Variants in CSRP1 observed in about 807,000 individuals in gnomAD.
The protein encoded by CSRP1 is cysteine and glycine rich protein 1.
CSRP1 carries 16 observed loss-of-function variants against 25.4 expected under a neutral mutation model. The observed-to-expected ratio is 0.63, with a 90% CI of 0.43 to 0.96. The LOEUF (loss-of-function observed/expected upper bound fraction) is 0.96, where lower values mean the gene tolerates loss of function less well. CSRP1 is among the 40% of genes least tolerant of loss of function. CSRP1 has a pLI of 0.00. For synonymous variants in CSRP1, 97 were observed against 95.3 expected (o/e 1.02, Z -0.10); for missense variants, 212 against 243.6 (o/e 0.87, Z 0.86).
chr1:201,485,185 A>T (rs1023553158), intron 5 of CSRP1, 98 bp downstream of exon 5: 27 of 1,025,874 alleles, frequency 2.6e-5, no homozygotes, highest in Non-Finnish European at 4.0e-5. Context: ...CTTGGATCCC[A>T]AGGCCAGGAA....
intron 1 of CSRP1, among the ~76,000 whole-genome samples, chr1:201,501,992 AAAATAAATAAATAAATAAAT>A (rs10676830): frequency 2.1e-5 from 3 of 144,436 alleles, no homozygotes; most frequent in Non-Finnish European, 1.5e-5. Context: ...ACTCAGTCTC[AAAATAAATAAATAAATAAAT>A]AAATAAATAA....
At chr1:201,491,569 T>C (rs1478245888) in intron 2 of CSRP1, 1 of 152,230 alleles carries the variant, frequency 6.6e-6, no homozygotes, top group East Asian at 1.9e-4. Flanking sequence ...CTTATTAGTA[T>C]TATATAAAGT....
chr1:201,505,624 CT>C (rs1664804493), intron 1 of CSRP1, among the ~76,000 whole-genome samples: 1 of 152,256 alleles, frequency 6.6e-6, no homozygotes, highest in Non-Finnish European at 1.5e-5. Flanking sequence ...CCTCGTCTGA[CT>C]GCCTCCGCCC....
chr1:201,484,381 T>C lies in CSRP1; in HGVS notation c.*332A>G. 2.0e-6 allele frequency: 1 copy of C among 496,346 alleles called. No individual in the cohort carries two copies. Among genetic ancestry groups the C allele is most frequent in the Non-Finnish European group, 3.6e-6 (1 of 276,420 alleles). 30.7% of individuals were successfully genotyped at this position (496,346 alleles called of 1,614,324 possible). Reference sequence around the variant, plus strand: ...TGCCAAGATGTGTCCTCAGGTGTCTTGGTCAGCTGATGATGGACACGCAGC... The same window carrying C: ...TGCCAAGATGTGTCCTCAGGTGTCTCGGTCAGCTGATGATGGACACGCAGC... On this transcript the variant is annotated 3_prime_UTR_variant, in exon 6 of 6. Transcript: ENST00000340006.
At chr1:201,489,334 C>T (rs915820873) in intron 3 of CSRP1, 1 of 182,456 alleles carries the variant, frequency 5.5e-6, no homozygotes, top group African/African-American at 2.4e-5. Context: ...TGAATCATTC[C>T]CACTGGGGCA....
intron 1 of CSRP1, among the ~76,000 whole-genome samples, chr1:201,505,942 G>C (rs1664811628): frequency 6.6e-6 from 1 of 152,226 alleles, no homozygotes; most frequent in South Asian, 2.1e-4. Context: ...GAAGGCAAGG[G>C]ATGAGGGGAG....
chr1:201,498,609 T>G (rs923429222), intron 1 of CSRP1, among the ~76,000 whole-genome samples: 1 of 152,254 alleles, frequency 6.6e-6, no homozygotes, highest in African/African-American at 2.4e-5. Flanking sequence ...GAGCTCCCAT[T>G]TGAGGGTGAC....
chr1:201,500,423 G>A (rs1048253106), intron 1 of CSRP1, among the ~76,000 whole-genome samples: 5 of 152,386 alleles, frequency 3.3e-5, no homozygotes, highest in Admixed American at 3.3e-4. Context: ...TCAAGAACAT[G>A]GGCGGAGAAA....
At chr1:201,493,318 G>T (rs1664402631) in intron 2 of CSRP1, among the ~76,000 whole-genome samples, 1 of 152,232 alleles carries the variant, frequency 6.6e-6, no homozygotes, top group Non-Finnish European at 1.5e-5. Context: ...GCACTGATAT[G>T]GTTTGGCTGT....
At chr1:201,494,041 C>A (rs550918400) in intron 2 of CSRP1, among the ~76,000 whole-genome samples, 2 of 152,072 alleles carry the variant, frequency 1.3e-5, no homozygotes, top group Non-Finnish European at 2.9e-5. Context: ...GAGACCCTAG[C>A]GTGACCTGAG....
In CSRP1 at chr1:201,507,083, C is replaced by T. The variant is rs1326094663; in HGVS notation, c.-15G>A. ...GGGCGCACTCACCTGGCAGCTGGCTCGGCGGCGCAGGGGCGGCAGGCGCTC... is the reference window on the plus strand; with the variant it reads ...GGGCGCACTCACCTGGCAGCTGGCTTGGCGGCGCAGGGGCGGCAGGCGCTC... On this transcript the variant is annotated 5_prime_UTR_variant, in exon 1 of 6. Coordinates refer to ENST00000340006, the MANE Select transcript of CSRP1 (RefSeq NM_004078.3). The T allele has an allele frequency of 6.6e-6, 1 of 152,216 alleles. No individual in the cohort carries two copies. Among genetic ancestry groups the T allele is most frequent in the Non-Finnish European group, 1.5e-5 (1 of 68,072 alleles). 9.4% of individuals were successfully genotyped at this position (152,216 alleles called of 1,614,324 possible).
At position 201,483,891 on chromosome 1, in the gene CSRP1, G is replaced by C. The variant is rs878968366; in HGVS notation, c.*822C>G. 5 of 640,626 alleles carry C rather than the reference G, an allele frequency of 7.8e-6. No homozygotes were observed. The South Asian group carries it at 8.4e-5, about 11-fold the overall frequency. 39.7% of individuals were successfully genotyped at this position (640,626 alleles called of 1,614,324 possible). A position where few individuals can be genotyped will look rare whatever the true frequency, so the allele number is the denominator to read the frequency against. On this transcript the variant is annotated 3_prime_UTR_variant, in exon 6 of 6. Transcript: ENST00000340006. ...TGTGGCAAGAACAGAGCCCTGGCCT[G>C]GGCTCTGCTGGCCGCAGCCTCAGGA...
chr1:201,499,823 T>C (rs1206828493), intron 1 of CSRP1, among the ~76,000 whole-genome samples: 3 of 152,162 alleles, frequency 2.0e-5, no homozygotes, highest in African/African-American at 7.2e-5. Context: ...GGTTTCACCA[T>C]GTTGGCCAGG....
At chr1:201,505,842 C>T (rs535297628) in intron 1 of CSRP1, among the ~76,000 whole-genome samples, 22 of 152,288 alleles carry the variant, frequency 1.4e-4, no homozygotes, top group Non-Finnish European at 2.1e-4. Flanking sequence ...GTACCCATCC[C>T]CAAATCCCAC....
At chr1:201,501,862 G>A (rs140477485) in intron 1 of CSRP1, among the ~76,000 whole-genome samples, 436 of 152,040 alleles carry the variant, frequency 2.9e-3, no homozygotes, top group African/African-American at 9.8e-3. Context: ...GTATGGTGGC[G>A]GGCACCTGTA....
chr1:201,501,291 T>C (rs915894072), intron 1 of CSRP1, among the ~76,000 whole-genome samples: 5 of 152,176 alleles, frequency 3.3e-5, no homozygotes. Flanking sequence ...GCTTAAGAAG[T>C]ACCATGCCAA....
intron 5 of CSRP1, 92 bp downstream of exon 5, chr1:201,485,191 A>G: frequency 9.4e-7 from 1 of 1,060,128 alleles, no homozygotes. Flanking sequence ...TCCCAAGGCC[A>G]GGAATTAGTT....
At chr1:201,486,853 CT>C in intron 4 of CSRP1, 1 of 1,203,574 alleles carries the variant, frequency 8.3e-7, no homozygotes, top group Non-Finnish European at 1.1e-6. Flanking sequence ...ACCTTATAGC[CT>C]GCCTAAGTAA....
Position 201,484,596 on chromosome 1 carries a change from T to C in CSRP1, c.*117A>G. On this transcript the variant is annotated 3_prime_UTR_variant, in exon 6 of 6. Transcript: ENST00000340006. ...GAGCCAGATGCCCAAGTTCAAGTCA[T>C]TAGTGATATGTGGCAGGGCTGACAG... 1.0e-6 allele frequency: 1 copy of C among 991,322 alleles called. No homozygotes were observed. Among genetic ancestry groups the C allele is most frequent in the Non-Finnish European group, 1.5e-6 (1 of 659,912 alleles). The allele number at this position is 991,322 out of a possible 1,614,324, so 61.4% of individuals were successfully genotyped here. A position where few individuals can be genotyped will look rare whatever the true frequency, so the allele number is the denominator to read the frequency against.
Sources: allele counts gnomAD v4.1 joint callset (sites outside exome capture counted in the v4.1 genomes callset), GRCh38; gene constraint gnomAD v4.1.1; transcripts MANE v1.5; gene names NCBI Gene and HGNC (gene_info 2026-07-23, HGNC 2026-07-21).